Variants in CDH13 observed in about 807,000 individuals in gnomAD.
CDH13 encodes cadherin 13, also known as cadherin-13.
CDH13 carries 24 observed loss-of-function variants against 63.8 expected under a neutral mutation model. The observed-to-expected ratio is 0.38, with a 90% CI of 0.27 to 0.53. The LOEUF (loss-of-function observed/expected upper bound fraction) is 0.53, where lower values mean the gene tolerates loss of function less well. Ranked by LOEUF, CDH13 falls within the 20% of genes least tolerant of loss-of-function variation. The pLI is 0.85. For missense variants in CDH13, 1,049 were observed against 903.1 expected, an observed-to-expected ratio of 1.16 and a Z score of -2.07; for synonymous variants, 503 against 355.3, an observed-to-expected ratio of 1.42 and a Z score of -4.67.
chr16:83,027,105 C>G (rs984666556), intron 2 of CDH13, among the ~76,000 whole-genome samples: 10 of 100,688 alleles, frequency 9.9e-5, no homozygotes, highest in Admixed American at 2.0e-4. Context: ...AAGGGAGACC[C>G]CCCCCCCCCA....
At chr16:83,180,479 C>G (rs960613782) in intron 4 of CDH13, among the ~76,000 whole-genome samples, 3 of 152,138 alleles carry the variant, frequency 2.0e-5, no homozygotes, top group Non-Finnish European at 4.4e-5. Context: ...GAGCATGAGA[C>G]TTTTAACGTA....
At chr16:82,940,249 G>C (rs562123742) in intron 2 of CDH13, among the ~76,000 whole-genome samples, 1 of 152,124 alleles carries the variant, frequency 6.6e-6, no homozygotes, top group Non-Finnish European at 1.5e-5. Context: ...ATAAATCCTG[G>C]TTCCGTCACT....
At chr16:83,633,315 C>T (rs1367475737) in intron 8 of CDH13, among the ~76,000 whole-genome samples, 1 of 152,176 alleles carries the variant, frequency 6.6e-6, no homozygotes, top group Non-Finnish European at 1.5e-5. Flanking sequence ...AAAGGTGGCA[C>T]CGGTGTTCAT....
At chr16:82,678,881 G>T (rs1914233782) in intron 1 of CDH13, among the ~76,000 whole-genome samples, 1 of 152,138 alleles carries the variant, frequency 6.6e-6, no homozygotes, top group Non-Finnish European at 1.5e-5. Context: ...GACATAGCCT[G>T]CCCTCAGCCT....
intron 7 of CDH13, among the ~76,000 whole-genome samples, chr16:83,569,668 A>T (rs4782546): frequency 6.6e-6 from 1 of 152,186 alleles, no homozygotes; most frequent in South Asian, 2.1e-4. Flanking sequence ...TAGGACATGG[A>T]CTCAGAGACG....
At chr16:82,984,380 C>A (rs1910674443) in intron 2 of CDH13, among the ~76,000 whole-genome samples, 1 of 152,172 alleles carries the variant, frequency 6.6e-6, no homozygotes, top group African/African-American at 2.4e-5. Context: ...CAATGTACCT[C>A]CGAATCTGGC....
chr16:83,794,623 C>T (rs186767523), intron 13 of CDH13, among the ~76,000 whole-genome samples: 1 of 139,578 alleles, frequency 7.2e-6, no homozygotes, highest in East Asian at 1.9e-4. Context: ...ATCCTTAAGT[C>T]AACATATATA....
At chr16:83,726,637 C>T (rs538190210) in intron 10 of CDH13, among the ~76,000 whole-genome samples, 2 of 152,290 alleles carry the variant, frequency 1.3e-5, no homozygotes, top group Non-Finnish European at 2.9e-5. Context: ...AGATCAAGAC[C>T]ATCCTGGCTA....
chr16:83,514,145 A>G (rs902838756), intron 7 of CDH13, among the ~76,000 whole-genome samples: 1 of 152,170 alleles, frequency 6.6e-6, no homozygotes, highest in Non-Finnish European at 1.5e-5. Flanking sequence ...TTTGTTCTCT[A>G]TATTTATTTA....
intron 5 of CDH13, among the ~76,000 whole-genome samples, chr16:83,331,137 G>C (rs1055640851): frequency 1.3e-5 from 2 of 152,134 alleles, no homozygotes; most frequent in African/African-American, 4.8e-5. Context: ...GGACGGACTT[G>C]GGCCTTAAAG....
rs371099737 is a variant in CDH13, at chr16:83,376,449, G to A, written c.781+31443G>A. Among the ~76,000 whole-genome samples the A allele has an allele frequency of 9.2e-5, 14 of 152,278 alleles. No individual in the cohort carries two copies. In the South Asian group the frequency reaches 1.9e-3, roughly 20 times the overall value. On this transcript the variant is annotated intron_variant, in intron 6 of 13. Coordinates refer to ENST00000567109, the MANE Select transcript of CDH13 (RefSeq NM_001257.5). ...GATATCAAGAGCAAGGAGAACAGACGCAGGACAGAAATAAATAGATAGCTA... is the reference window on the plus strand; with the variant it reads ...GATATCAAGAGCAAGGAGAACAGACACAGGACAGAAATAAATAGATAGCTA...
chr16:82,652,322 C>G (rs2150909333), intron 1 of CDH13, among the ~76,000 whole-genome samples: 1 of 152,316 alleles, frequency 6.6e-6, no homozygotes. Context: ...CTGTTTCTCA[C>G]CTGGGCCAGG....
chr16:83,072,313 G>T (rs1331522427), intron 3 of CDH13, among the ~76,000 whole-genome samples: 1 of 152,180 alleles, frequency 6.6e-6, no homozygotes, highest in African/African-American at 2.4e-5. Flanking sequence ...TAGTTAATCT[G>T]TTGACAATGG....
chr16:83,545,747 T>C (rs1020723834), intron 7 of CDH13, among the ~76,000 whole-genome samples: 3 of 152,136 alleles, frequency 2.0e-5, no homozygotes, highest in Non-Finnish European at 4.4e-5. Context: ...CAAGCCCTCC[T>C]CATCTGCCCA....
At chr16:82,777,792 C>T (rs1470199238) in intron 1 of CDH13, among the ~76,000 whole-genome samples, 3 of 152,150 alleles carry the variant, frequency 2.0e-5, no homozygotes, top group Non-Finnish European at 4.4e-5. Flanking sequence ...TGGCAGGATT[C>T]TGCTTTTTCA....
Position 83,205,399 on chromosome 16 carries a change from C to G in CDH13, c.484-11946C>G, listed in dbSNP as rs554243855. Among the ~76,000 whole-genome samples the G allele has an allele frequency of 3.9e-5, 6 of 152,244 alleles. No homozygotes were observed. The East Asian group carries it at 1.2e-3, about 29-fold the overall frequency. On this transcript the variant is annotated intron_variant, in intron 4 of 13. Coordinates refer to ENST00000567109, the MANE Select transcript of CDH13 (RefSeq NM_001257.5). ...CAATGATTGAATGACCCAAAGATGACTCCTCCTCCTCCAATCTGCTGAGGC... is the reference window on the plus strand; with the variant it reads ...CAATGATTGAATGACCCAAAGATGAGTCCTCCTCCTCCAATCTGCTGAGGC...
chr16:83,174,041 T>G (rs1441329460), intron 4 of CDH13, among the ~76,000 whole-genome samples: 5 of 151,594 alleles, frequency 3.3e-5, no homozygotes, highest in Non-Finnish European at 7.4e-5. Flanking sequence ...GGAGAGGGAC[T>G]TATGGGGAAC....
chr16:83,422,157 C>T (rs997329578), intron 6 of CDH13, among the ~76,000 whole-genome samples: 17 of 152,090 alleles, frequency 1.1e-4, no homozygotes, highest in Non-Finnish European at 1.8e-4. Context: ...GGCCATGTTC[C>T]CCTTTAATTA....
At chr16:83,708,987 G>C (rs1907580719) in intron 10 of CDH13, among the ~76,000 whole-genome samples, 1 of 152,138 alleles carries the variant, frequency 6.6e-6, no homozygotes, top group African/African-American at 2.4e-5. Context: ...TCATGCCACT[G>C]CCCTCTAGTC....
Sources: allele counts gnomAD v4.1 joint callset (sites outside exome capture counted in the v4.1 genomes callset), GRCh38; gene constraint gnomAD v4.1.1; transcripts MANE v1.5; gene names NCBI Gene and HGNC (gene_info 2026-07-23, HGNC 2026-07-21).